USP7: variants seen among roughly 807,000 people sequenced by gnomAD.
USP7 encodes the protein ubiquitin C-terminal hydrolase 7.
A neutral mutation model predicts 162.9 loss-of-function variants in USP7; 9 were observed. That is an observed-to-expected ratio of 0.06 (90% CI 0.03 to 0.10). The LOEUF (loss-of-function observed/expected upper bound fraction) is 0.10, where lower values mean the gene tolerates loss of function less well. USP7 is among the 10% of genes least tolerant of loss of function. USP7 has a pLI of 1.00. For synonymous variants in USP7, 562 were observed against 475.9 expected (o/e 1.18, Z -2.35); for missense variants, 715 against 1,373.7 (o/e 0.52, Z 7.58).
chr16:8,959,025 A>T (rs1899908146), intron 1 of USP7, among the ~76,000 whole-genome samples: 1 of 152,030 alleles, frequency 6.6e-6, no homozygotes, highest in African/African-American at 2.4e-5. Context: ...ATAGTGTCAC[A>T]TTTTCTTGGC....
At chr16:8,947,644 A>G (rs1435925603) in intron 1 of USP7, among the ~76,000 whole-genome samples, 1 of 151,184 alleles carries the variant, frequency 6.6e-6, no homozygotes, top group Non-Finnish European at 1.5e-5. Context: ...TTATTTTTCA[A>G]TCAATAAACA....
chr16:8,932,396 T>C (rs952834969), intron 1 of USP7, among the ~76,000 whole-genome samples: 3 of 152,124 alleles, frequency 2.0e-5, no homozygotes, highest in African/African-American at 4.8e-5. Flanking sequence ...TGAGACCTCA[T>C]CTCAATTTAT....
At position 8,961,503 on chromosome 16, in the gene USP7, A is replaced by AGG. The variant is rs1567252630; in HGVS notation, c.79+1703_79+1704insCC. Reference sequence around the variant, plus strand: ...GCAAAAATCCGTCTCAAAAAAAAAAAAGGGGGGGGGGGGCAAATACCTTGA... The same window carrying AGG: ...GCAAAAATCCGTCTCAAAAAAAAAAAGGAGGGGGGGGGGGGCAAATACCTTGA... On this transcript the variant is annotated intron_variant, in intron 1 of 30. Coordinates refer to ENST00000344836, the MANE Select transcript of USP7 (RefSeq NM_003470.3). Among the ~76,000 whole-genome samples the AGG allele has an allele frequency of 5.6e-3, 328 of 58,500 alleles. 6 individuals are homozygous for AGG. The highest frequency in any genetic ancestry group is 0.02 in the East Asian group (26 of 1,282). 38.4% of individuals were successfully genotyped at this position (58,500 alleles called of 152,430 possible). A position where few individuals can be genotyped will look rare whatever the true frequency, so the allele number is the denominator to read the frequency against.
intron 2 of USP7, among the ~76,000 whole-genome samples, chr16:8,928,700 G>A (rs758591289): frequency 1.1e-4 from 16 of 152,218 alleles, no homozygotes; most frequent in Non-Finnish European, 1.8e-4. Flanking sequence ...AGGTGCTACG[G>A]AAGATTACTC....
chr16:8,956,582 T>C (rs1024054747), intron 1 of USP7, among the ~76,000 whole-genome samples: 20 of 151,972 alleles, frequency 1.3e-4, no homozygotes, highest in African/African-American at 2.4e-4. Context: ...CTGGGCAACA[T>C]GGTGAAACGC....
intron 6 of USP7, among the ~76,000 whole-genome samples, chr16:8,917,685 A>G (rs1407371438): frequency 6.6e-6 from 1 of 151,832 alleles, no homozygotes; most frequent in African/African-American, 2.4e-5. Context: ...AGCCTCACCC[A>G]TATGTTCTTG....
chr16:8,943,381 A>C (rs1899133012), intron 1 of USP7, among the ~76,000 whole-genome samples: 1 of 151,398 alleles, frequency 6.6e-6, no homozygotes, highest in Non-Finnish European at 1.5e-5. Flanking sequence ...TTATCTGCTC[A>C]ACTGTGCAGC....
intron 1 of USP7, among the ~76,000 whole-genome samples, chr16:8,936,396 AAT>A (rs1898726729): frequency 6.6e-6 from 1 of 152,176 alleles, no homozygotes; most frequent in South Asian, 2.1e-4. Context: ...AACTCATTTA[AAT>A]ATATGACTTA....
intron 5 of USP7, 136 bp downstream of exon 5, chr16:8,920,221 ACT>A (rs1897613112): frequency 4.3e-6 from 3 of 699,242 alleles, no homozygotes; most frequent in Non-Finnish European, 2.4e-6. Context: ...AGCAGGTGTG[ACT>A]CTGTGTGCCA....
intron 7 of USP7, 127 bp from the exon 8 acceptor site, chr16:8,916,683 A>T: frequency 1.0e-6 from 1 of 1,001,790 alleles, no homozygotes; most frequent in Non-Finnish European, 1.5e-6. Flanking sequence ...TTCTGTGAAG[A>T]TTATTTTTGG....
Position 8,915,791 on chromosome 16 carries a change from A to G in USP7, c.907-266T>C, listed in dbSNP as rs191049327. 5.3e-5 allele frequency among the ~76,000 whole-genome samples: 8 copies of G among 152,334 alleles called. No individual in the cohort carries two copies. The East Asian group carries it at 7.7e-4, about 15-fold the overall frequency. ...CTGTAGTGCCTTTAGAAGCATTTTT[A>G]TATTTTTTACCTCTGTGGAAAAGCA... On this transcript the variant is annotated intron_variant, in intron 8 of 30. Transcript: ENST00000344836.
At chr16:8,932,915 G>A (rs779221710) in intron 1 of USP7, among the ~76,000 whole-genome samples, 2 of 151,344 alleles carry the variant, frequency 1.3e-5, no homozygotes, top group African/African-American at 2.4e-5. Context: ...AACCAATGAA[G>A]GCCTATTAAA....
At chr16:8,900,733 T>C in intron 20 of USP7, 103 bp from the exon 21 acceptor site, 2 of 818,982 alleles carry the variant, frequency 2.4e-6, no homozygotes, top group Non-Finnish European at 3.8e-6. Context: ...CACCCAATTC[T>C]ATCCACCTTT....
chr16:8,921,393 T>C (rs1897682331), intron 3 of USP7, 98 bp from the exon 4 acceptor site: 13 of 1,377,934 alleles, frequency 9.4e-6, no homozygotes, highest in Admixed American at 2.2e-5. Flanking sequence ...TTCCCATTTA[T>C]GATTTCATTG....
rs1900118149 is a variant in USP7 at position 8,963,760 on chromosome 16, C to A, written c.-475G>T. Among the ~76,000 whole-genome samples, 1 of 142,750 alleles carries A rather than the reference C, an allele frequency of 7.0e-6. No individual in the cohort carries two copies. The highest frequency in any genetic ancestry group is 2.1e-4 in the East Asian group (1 of 4,692). 93.6% of individuals were successfully genotyped at this position (142,750 alleles called of 152,430 possible). On this transcript the variant is annotated 5_prime_UTR_variant, in exon 1 of 31. Transcript: ENST00000344836. Reference sequence around the variant, plus strand: ...CTGCGGGCCCTGGGGCCGGCGGGAGCGGCGGAGCGGGCGGGCGACGGGCCG... The same window carrying A: ...CTGCGGGCCCTGGGGCCGGCGGGAGAGGCGGAGCGGGCGGGCGACGGGCCG...
chr16:8,910,611 A>C, intron 11 of USP7, 134 bp downstream of exon 11: 2 of 781,368 alleles, frequency 2.6e-6, no homozygotes, highest in Non-Finnish European at 4.1e-6. Flanking sequence ...ATTATCCTAC[A>C]AACAGAATCC....
At chr16:8,950,852 GCA>G (rs746902333) in intron 1 of USP7, among the ~76,000 whole-genome samples, 5 of 152,162 alleles carry the variant, frequency 3.3e-5, no homozygotes, top group South Asian at 2.1e-4. Flanking sequence ...TTGTTTCTGC[GCA>G]CACAGTCACT....
chr16:8,905,604 T>G (rs1397184205), intron 13 of USP7, among the ~76,000 whole-genome samples: 1 of 152,202 alleles, frequency 6.6e-6, no homozygotes, highest in Non-Finnish European at 1.5e-5. Flanking sequence ...ATTTTTATAA[T>G]CTACTGAAAT....
At chr16:8,960,381 T>C (rs895086705) in intron 1 of USP7, among the ~76,000 whole-genome samples, 3 of 152,240 alleles carry the variant, frequency 2.0e-5, no homozygotes, top group Non-Finnish European at 4.4e-5. Context: ...AGAGCACTGC[T>C]GTTTTCCAAT....
Sources: allele counts gnomAD v4.1 joint callset (sites outside exome capture counted in the v4.1 genomes callset), GRCh38; gene constraint gnomAD v4.1.1; transcripts MANE v1.5; gene names NCBI Gene and HGNC (gene_info 2026-07-23, HGNC 2026-07-21).